STRN3: variants seen among roughly 807,000 people sequenced by gnomAD.
The protein encoded by STRN3 is striatin 3, also known as striatin-3.
In STRN3, 29 loss-of-function variants were observed where a neutral mutation model predicts 95.6. The observed-to-expected ratio is 0.30, with a 90% CI of 0.23 to 0.41. STRN3 has a LOEUF of 0.41. STRN3 is among the 10% of genes least tolerant of loss of function. The pLI is 1.00. For missense variants in STRN3, 890 were observed against 972.1 expected, an observed-to-expected ratio of 0.92 and a Z score of 1.12; for synonymous variants, 331 against 357.6, an observed-to-expected ratio of 0.93 and a Z score of 0.84.
At chr14:30,965,525 A>G (rs566528835) in intron 1 of STRN3, among the ~76,000 whole-genome samples, 9 of 152,202 alleles carry the variant, frequency 5.9e-5, no homozygotes, top group African/African-American at 2.2e-4. Flanking sequence ...ATCTCTAAAA[A>G]AAAACAAAAA....
Position 30,895,299 on chromosome 14 carries a change from C to A in STRN3, c.*112G>T. ...ACCAATTTGTGCCTGCCCCAGATAG[C>A]CTTCACCAGGCAGATCACATGTAGT... On this transcript the variant is annotated 3_prime_UTR_variant, in exon 18 of 18. Transcript: ENST00000357479. 2 of 1,128,192 alleles carry A rather than the reference C, an allele frequency of 1.8e-6. No homozygotes were observed. The highest frequency in any genetic ancestry group is 2.4e-6 in the Non-Finnish European group (2 of 824,360). 69.9% of individuals were successfully genotyped at this position (1,128,192 alleles called of 1,614,324 possible). A position where few individuals can be genotyped will look rare whatever the true frequency, so the allele number is the denominator to read the frequency against.
At chr14:30,936,999 T>C (rs1158606868) in intron 5 of STRN3, among the ~76,000 whole-genome samples, 1 of 152,136 alleles carries the variant, frequency 6.6e-6, no homozygotes, top group African/African-American at 2.4e-5. Context: ...GTCTAAATGT[T>C]TGAGGACTAA....
At chr14:30,990,590 A>G (rs999644416) in intron 1 of STRN3, among the ~76,000 whole-genome samples, 1 of 152,148 alleles carries the variant, frequency 6.6e-6, no homozygotes, top group Non-Finnish European at 1.5e-5. Context: ...AAATGTGACC[A>G]TGACTTGTCT....
intron 1 of STRN3, among the ~76,000 whole-genome samples, chr14:30,971,493 C>A (rs1880824732): frequency 6.6e-6 from 1 of 152,106 alleles, no homozygotes; most frequent in African/African-American, 2.4e-5. Context: ...CTATTACAAC[C>A]AACAGCGATT....
rs375011663 is a variant in STRN3, at chr14:30,977,685, C to T, written c.283-21443G>A. ...GTGGGCGCCTGTAATCCCAGCTACT[C>T]GAGAGGCTGAGGCAGGAGAATCGCT... On this transcript the variant is annotated intron_variant, in intron 1 of 17. Transcript: ENST00000357479. Among the ~76,000 whole-genome samples, 610 of 148,012 alleles carry T rather than the reference C, an allele frequency of 4.1e-3. 9 individuals are homozygous for T. The highest frequency in any genetic ancestry group is 0.014 in the African/African-American group (557 of 40,260).
intron 1 of STRN3, among the ~76,000 whole-genome samples, chr14:31,013,900 T>G (rs1394035265): frequency 2.4e-5 from 3 of 126,192 alleles, no homozygotes; most frequent in Non-Finnish European, 5.6e-5. Flanking sequence ...ATTATTATTA[T>G]TATTATTATT....
chr14:30,923,600 C>T (rs1896937684), intron 8 of STRN3, among the ~76,000 whole-genome samples: 3 of 151,924 alleles, frequency 2.0e-5, no homozygotes, highest in African/African-American at 7.2e-5. Flanking sequence ...ATACATATTC[C>T]CCAAATATGA....
chr14:30,935,071 T>A, intron 7 of STRN3, 92 bp downstream of exon 7: 1 of 1,472,944 alleles, frequency 6.8e-7, no homozygotes, highest in South Asian at 1.4e-5. Flanking sequence ...TGCCACCATA[T>A]ATTTATACAC....
At chr14:30,955,509 T>C in intron 3 of STRN3, 111 bp downstream of exon 3, 1 of 869,576 alleles carries the variant, frequency 1.1e-6, no homozygotes, top group Non-Finnish European at 1.7e-6. Flanking sequence ...CTAGACAGTT[T>C]ACAATAGTCA....
In STRN3 at chr14:30,913,661, TA is replaced by T; in HGVS notation, c.1241-5del. On this transcript the variant is annotated splice_polypyrimidine_tract_variant and splice_region_variant and intron_variant, in intron 9 of 17. Coordinates refer to ENST00000357479, the MANE Select transcript of STRN3 (RefSeq NM_001083893.2). The stretch of plus-strand genomic sequence containing the variant: ...GATGGAAACGTTATTGGTTCAGCTA[TA>T]AAGAACAAAACCGCTTCTTAAATGC... The T allele has an allele frequency of 6.2e-7, 1 of 1,613,144 alleles. No homozygotes were observed.
At chr14:30,907,689 TC>T (rs1397703986) in intron 13 of STRN3, among the ~76,000 whole-genome samples, 4 of 152,278 alleles carry the variant, frequency 2.6e-5, no homozygotes, top group Middle Eastern at 3.4e-3. Context: ...GAACTCCTGG[TC>T]ACTGAACATG....
chr14:31,001,050 C>T (rs1190443391), intron 1 of STRN3, among the ~76,000 whole-genome samples: 1 of 152,124 alleles, frequency 6.6e-6, no homozygotes, highest in African/African-American at 2.4e-5. Flanking sequence ...GGGGGTAGGG[C>T]TGAAGGTTTA....
intron 8 of STRN3, 33 bp from the exon 9 acceptor site, chr14:30,919,139 T>C: frequency 6.4e-7 from 1 of 1,563,740 alleles, no homozygotes; most frequent in Non-Finnish European, 8.7e-7. Flanking sequence ...GAGGTTCATT[T>C]AATGGCTACC....
chr14:31,021,864 G>T (rs1883523561), intron 1 of STRN3, among the ~76,000 whole-genome samples: 1 of 152,146 alleles, frequency 6.6e-6, no homozygotes, highest in Non-Finnish European at 1.5e-5. Flanking sequence ...TGGGGTTAAT[G>T]GGTAGTGGAG....
chr14:30,993,802 C>T (rs1882076797), intron 1 of STRN3, among the ~76,000 whole-genome samples: 1 of 151,956 alleles, frequency 6.6e-6, no homozygotes, highest in African/African-American at 2.4e-5. Flanking sequence ...GCCTTAGCCT[C>T]CTGAGTAGCT....
chr14:30,930,301 T>C (rs1488479564), intron 7 of STRN3, among the ~76,000 whole-genome samples: 4 of 152,136 alleles, frequency 2.6e-5, no homozygotes, highest in African/African-American at 9.6e-5. Flanking sequence ...CTCTGACTTG[T>C]TAAGTTTTTG....
At chr14:30,963,989 T>C (rs1880343745) in intron 1 of STRN3, among the ~76,000 whole-genome samples, 1 of 152,180 alleles carries the variant, frequency 6.6e-6, no homozygotes, top group South Asian at 2.1e-4. Flanking sequence ...CGATGGCTCA[T>C]GCCTGTAATG....
chr14:31,002,358 T>C (rs1255767536), intron 1 of STRN3, among the ~76,000 whole-genome samples: 1 of 148,138 alleles, frequency 6.8e-6, no homozygotes, highest in Non-Finnish European at 1.5e-5. Context: ...TGTAATCCCA[T>C]CTACTCAGGA....
Position 30,911,080 on chromosome 14 carries a change from T to C in STRN3, c.1681A>G (p.Asn561Asp), listed in dbSNP as rs768386957. The change falls in exon 13 of 18, where the codon AAT becomes GAT. Residue 561 changes from asparagine (N) to aspartate (D), a missense_variant. Around this residue, in one of 3 missense-constraint regions of STRN3, gnomAD observed 357 missense variants for 422.8 expected, o/e 0.84. Coordinates refer to ENST00000357479, the MANE Select transcript of STRN3 (RefSeq NM_001083893.2). ...GGATCTACACTGGGACTCGGCATATTCCACCACTGGATGGTTGCATCAATA... is the reference window on the plus strand; with the variant it reads ...GGATCTACACTGGGACTCGGCATATCCCACCACTGGATGGTTGCATCAATA... ...GGIDATIQWW[N>D]MPSPSVDPYD... 1 of 1,614,062 alleles carries C rather than the reference T, an allele frequency of 6.2e-7. No individual in the cohort carries two copies. The highest frequency in any genetic ancestry group is 8.5e-7 in the Non-Finnish European group (1 of 1,179,984).
Sources: allele counts gnomAD v4.1 joint callset (sites outside exome capture counted in the v4.1 genomes callset), GRCh38; gene constraint gnomAD v4.1.1; regional missense constraint gnomAD v4.1.1; transcripts MANE v1.5; gene names NCBI Gene and HGNC (gene_info 2026-07-23, HGNC 2026-07-21).